The following DNAH6 variants were observed in gnomAD, a reference collection of about 807,000 sequenced individuals.
DNAH6 encodes the protein axonemal beta dynein heavy chain 6.
Under a neutral mutation model 491.4 loss-of-function variants are expected in DNAH6, and 340 were observed. That is an observed-to-expected ratio of 0.69 (90% CI 0.63 to 0.76). The LOEUF is 0.76. Among genes scored for constraint, DNAH6 ranks in the 30% least tolerant of loss-of-function variants. DNAH6 has a pLI of 0.00. For synonymous variants in DNAH6, 1,603 were observed against 1,686.1 expected (o/e 0.95, Z 1.21); for missense variants, 4,443 against 4,972.2 (o/e 0.89, Z 3.20).
chr2:84,794,413 T>C (rs1678106526), intron 68 of DNAH6, among the ~76,000 whole-genome samples: 1 of 151,174 alleles, frequency 6.6e-6, no homozygotes, highest in African/African-American at 2.4e-5. Context: ...GGAGAAAATT[T>C]TTGCAACCTA....
At chr2:84,559,136 A>C (rs1288384750) in intron 11 of DNAH6, among the ~76,000 whole-genome samples, 1 of 152,092 alleles carries the variant, frequency 6.6e-6, no homozygotes, top group Admixed American at 6.5e-5. Context: ...CTTATAAGCT[A>C]GCAGTTAATC....
intron 45 of DNAH6, among the ~76,000 whole-genome samples, chr2:84,691,999 T>C (rs1694906893): frequency 6.6e-6 from 1 of 152,226 alleles, no homozygotes; most frequent in Non-Finnish European, 1.5e-5. Flanking sequence ...AATTTCAAAG[T>C]TTGATTCTTA....
Position 84,811,293 on chromosome 2 carries a change from C to T in DNAH6, c.11740-1048C>T, listed in dbSNP as rs190597925. ...GTTGCTTAGTCAACATAAATTTTGC[C>T]TCTAACGTCTTCCTATTATATTTTC... is the stretch of plus-strand genomic sequence containing the variant. On this transcript the variant is annotated intron_variant, in intron 72 of 76. Transcript: ENST00000389394. Among the ~76,000 whole-genome samples, 210 of 152,354 alleles carry T rather than the reference C, an allele frequency of 1.4e-3. 1 individual carries two copies. The highest frequency in any genetic ancestry group is 4.8e-3 in the African/African-American group (200 of 41,574).
At chr2:84,623,825 T>C (rs921250359) in intron 26 of DNAH6, among the ~76,000 whole-genome samples, 3 of 152,254 alleles carry the variant, frequency 2.0e-5, no homozygotes, top group Non-Finnish European at 4.4e-5. Flanking sequence ...TAGCTTAAAA[T>C]GCTCAGATTT....
intron 64 of DNAH6, among the ~76,000 whole-genome samples, chr2:84,779,295 A>G (rs1165577905): frequency 6.6e-5 from 10 of 152,180 alleles, no homozygotes; most frequent in Non-Finnish European, 1.5e-4. Flanking sequence ...TAGGTCTTGA[A>G]GTAGTTGTTT....
chr2:84,568,448 C>T (rs551445423), intron 11 of DNAH6, among the ~76,000 whole-genome samples: 2 of 152,242 alleles, frequency 1.3e-5, no homozygotes, highest in South Asian at 4.1e-4. Context: ...AGCCATTATC[C>T]TCAGCAAACT....
In DNAH6 at chr2:84,709,351, G is replaced by A; in HGVS notation, c.9057G>A (p.Glu3019=). Residue 3019 remains glutamate (E), a synonymous_variant, in exon 55 of 77, where the codon GAG becomes GAA. Coordinates refer to ENST00000389394, the MANE Select transcript of DNAH6 (RefSeq NM_001370.2). The part of the protein sequence containing the change: ...FTAQYRQSLI[E]CWIQDCQSLE... ...CTTTCCCCCTTCTACAGCTTATAGA[G>A]TGTTGGATCCAGGACTGTCAGTCTC... 6.4e-7 allele frequency: 1 copy of A among 1,551,630 alleles called. No homozygotes were observed. Among genetic ancestry groups the A allele is most frequent in the Non-Finnish European group, 8.7e-7 (1 of 1,146,992 alleles).
chr2:84,795,077 G>A lies in DNAH6; in HGVS notation c.11240-1229G>A, dbSNP rs540085241. ...ATCATTCTCAGTAAACTATCGCAAG[G>A]ACAAAAAACCAAACACCACATGTTC... On this transcript the variant is annotated intron_variant, in intron 68 of 76. Coordinates refer to ENST00000389394, the MANE Select transcript of DNAH6 (RefSeq NM_001370.2). Among the ~76,000 whole-genome samples, 211 of 141,668 alleles carry A rather than the reference G, an allele frequency of 1.5e-3. 4 individuals carry two copies. The highest frequency in any genetic ancestry group is 5.1e-3 in the African/African-American group (192 of 38,000). 92.9% of individuals were successfully genotyped at this position (141,668 alleles called of 152,430 possible).
chr2:84,616,151 A>G (rs545498128), intron 22 of DNAH6, among the ~76,000 whole-genome samples: 111 of 152,112 alleles, frequency 7.3e-4, no homozygotes, highest in Non-Finnish European at 4.4e-4. Flanking sequence ...AATAGAATGT[A>G]TATTCTTCAT....
intron 18 of DNAH6, among the ~76,000 whole-genome samples, chr2:84,598,127 T>TTTTCTTCC (rs1684805273): frequency 9.1e-6 from 1 of 109,314 alleles, no homozygotes; most frequent in Admixed American, 1.0e-4. Context: ...TCTATCTTTC[T>TTTTCTTCC]TTTCTTTCTT....
At chr2:84,775,272 T>C (rs904247974) in intron 64 of DNAH6, among the ~76,000 whole-genome samples, 3 of 152,214 alleles carry the variant, frequency 2.0e-5, no homozygotes, top group African/African-American at 7.2e-5. Context: ...GATGATCATA[T>C]GCTTTTTTAT....
At chr2:84,583,688 CATG>C (rs1275584453) in intron 14 of DNAH6, among the ~76,000 whole-genome samples, 2 of 152,128 alleles carry the variant, frequency 1.3e-5, no homozygotes, top group Non-Finnish European at 2.9e-5. Context: ...GAATAAGTCT[CATG>C]ATATCTGATG....
chr2:84,594,179 G>A, intron 17 of DNAH6, 94 bp downstream of exon 17: 2 of 524,178 alleles, frequency 3.8e-6, no homozygotes, highest in Non-Finnish European at 6.0e-6. Context: ...ACAATCTGGT[G>A]CTTTTCTTAA....
At chr2:84,745,509 C>G (rs1227859463) in intron 63 of DNAH6, among the ~76,000 whole-genome samples, 3 of 152,036 alleles carry the variant, frequency 2.0e-5, no homozygotes, top group Non-Finnish European at 4.4e-5. Flanking sequence ...ACTAAAAATA[C>G]AAAATAATTA....
At chr2:84,715,675 C>T (rs1228919705) in intron 58 of DNAH6, 48 bp downstream of exon 58, 7 of 1,502,896 alleles carry the variant, frequency 4.7e-6, no homozygotes, top group Non-Finnish European at 6.3e-6. Context: ...TTGTGGGTTT[C>T]CTAAATATTT....
intron 11 of DNAH6, among the ~76,000 whole-genome samples, chr2:84,558,578 A>G (rs1308527660): frequency 6.6e-6 from 1 of 152,202 alleles, no homozygotes; most frequent in African/African-American, 2.4e-5. Flanking sequence ...CAGCCAACAC[A>G]ATTTCTTTTA....
intron 29 of DNAH6, among the ~76,000 whole-genome samples, chr2:84,629,625 A>C (rs145262094): frequency 6.6e-6 from 1 of 152,266 alleles, no homozygotes; most frequent in East Asian, 1.9e-4. Flanking sequence ...TATGTTATTG[A>C]TACTGATTTC....
At chr2:84,490,489 A>G in the DNAH6 span, among the ~76,000 whole-genome samples, 1 of 152,030 alleles carries the variant, frequency 6.6e-6, no homozygotes, top group Non-Finnish European at 1.5e-5. Flanking sequence ...ACCTCCAACC[A>G]TTGGTAATCA....
At chr2:84,517,781 T>C (rs1057437747) in intron 1 of DNAH6, 38 bp from the exon 2 acceptor site, 2 of 1,480,358 alleles carry the variant, frequency 1.4e-6, no homozygotes, top group Admixed American at 4.1e-5. Context: ...CCTTTTGATC[T>C]ACTTTTCATT....
Sources: gnomAD v4.1 joint callset for allele counts (sites outside exome capture counted in the v4.1 genomes callset) on GRCh38, gnomAD v4.1.1 for gene constraint, MANE v1.5 for transcripts, NCBI Gene and HGNC (gene_info 2026-07-23, HGNC 2026-07-21) for gene names.